PKN3: variants seen among roughly 807,000 people sequenced by gnomAD.
PKN3 encodes the protein protein kinase N3.
A neutral mutation model predicts 113.1 loss-of-function variants in PKN3; 91 were observed. That is an observed-to-expected ratio of 0.80 (90% CI 0.68 to 0.96). PKN3 has a LOEUF of 0.96. Among genes scored for constraint, PKN3 ranks in the 40% least tolerant of loss-of-function variants. The pLI is 0.00. For synonymous variants in PKN3, 467 were observed against 499.0 expected (o/e 0.94, Z 0.85); for missense variants, 1,052 against 1,202.2 (o/e 0.88, Z 1.85).
rs1564374103 is a variant in PKN3 at position 128,713,137 on chromosome 9, C to A, written c.921C>A (p.Ser307Arg). 1.2e-6 allele frequency: 2 copies of A among 1,611,782 alleles called. No homozygotes were observed. Among genetic ancestry groups the A allele is most frequent in the Admixed American group, 1.7e-5 (1 of 59,864 alleles). ...CCCCAGCGGCCGCACTGGCCAGCAG[C>A]CCCTCCGAGGGCTGGCTTCGGACCA... is the stretch of plus-strand genomic sequence containing the variant. The part of the protein sequence containing the change: ...GRSPAAALAS[S>R]PSEGWLRTKA... Residue 307 changes from serine to arginine, a missense_variant, in exon 7 of 22, where the codon AGC (serine) becomes AGA (arginine). Ser to Arg is a moderately radical substitution (Grantham distance 110). Around this residue, in one of 2 missense-constraint regions of PKN3, gnomAD observed 719 missense variants for 759.4 expected, o/e 0.95. Transcript: ENST00000291906.
In PKN3 at chr9:128,705,475, A is replaced by G; in HGVS notation, c.197A>G (p.Gln66Arg). ...CGGTCCTCCAACCGCCGCCTGGAGC[A>G]GCTGCATGGCGAGCTGCGGGAGCTG... ...LLRSSNRRLEQLHGELRELHA... is the reference protein window; with the variant it reads ...LLRSSNRRLERLHGELRELHA... The change falls in exon 2 of 22, where the codon CAG (glutamine) becomes CGG (arginine). Residue 66 changes from glutamine (Q) to arginine (R), a missense_variant. Gln to Arg is a conservative substitution (Grantham distance 43). Transcript: ENST00000291906. 1 of 1,567,322 alleles carries G rather than the reference A, an allele frequency of 6.4e-7. No individual in the cohort carries two copies. Among genetic ancestry groups the G allele is most frequent in the Non-Finnish European group, 8.6e-7 (1 of 1,157,036 alleles).
rs1171030651 is a variant in PKN3 at position 128,715,073 on chromosome 9, G to A, written c.1653-99G>A. The A allele has an allele frequency of 1.3e-5, 17 of 1,322,876 alleles. No homozygotes were observed. Among genetic ancestry groups the A allele is most frequent in the Middle Eastern group, 2.2e-4 (1 of 4,514 alleles). 81.9% of individuals were successfully genotyped at this position (1,322,876 alleles called of 1,614,324 possible). A position where few individuals can be genotyped will look rare whatever the true frequency, so the allele number is the denominator to read the frequency against. ...CAGGGCTTTTTCGAGCCCATAGGTC[G>A]GGACAGCCCAGGACTGGGCATGGGA... On this transcript the variant is annotated intron_variant, in intron 13 of 21. Coordinates refer to ENST00000291906, the MANE Select transcript of PKN3 (RefSeq NM_013355.5). This position sits in a 1 kb window ranked among gnomAD's most constrained non-coding sequence, Gnocchi z 4.1.
chr9:128,703,729 G>A, intron 1 of PKN3: 1 of 985,438 alleles, frequency 1.0e-6, no homozygotes, highest in Non-Finnish European at 1.2e-6. Context: ...GGTGTTGCGG[G>A]GTGCGTGTAG....
In PKN3 at chr9:128,716,738, C is replaced by T. The variant is rs1862349754; in HGVS notation, c.1809-9C>T. The T allele has an allele frequency of 6.2e-7, 1 of 1,612,560 alleles. No homozygotes were observed. The highest frequency in any genetic ancestry group is 8.5e-7 in the Non-Finnish European group (1 of 1,178,978). The stretch of plus-strand genomic sequence containing the variant: ...TCCTTCCCTCTAATACTCTTGCTCT[C>T]TCCTGTAGCCTGTACTGCGAGAAGC... On this transcript the variant is annotated splice_polypyrimidine_tract_variant and intron_variant, in intron 15 of 21. Coordinates refer to ENST00000291906, the MANE Select transcript of PKN3 (RefSeq NM_013355.5).
In PKN3 at chr9:128,720,215, T is replaced by G; in HGVS notation, c.2389T>G (p.Cys797Gly). ...LEFIQKLLQKCPEKRLGAGEQ... is the reference protein window; with the variant it reads ...LEFIQKLLQKGPEKRLGAGEQ... The stretch of plus-strand genomic sequence containing the variant: ...TCCTATTGCCCAGCTCCTCCAGAAG[T>G]GCCCGGAGAAGCGCCTCGGGGCAGG... Residue 797 changes from cysteine (C) to glycine (G), a missense_variant, in exon 21 of 22, where the codon TGC becomes GGC. Coordinates refer to ENST00000291906, the MANE Select transcript of PKN3 (RefSeq NM_013355.5). This position sits in a 1 kb window ranked among gnomAD's most constrained non-coding sequence, Gnocchi z 5.5. 6.2e-7 allele frequency: 1 copy of G among 1,613,658 alleles called. No homozygotes were observed. Among genetic ancestry groups the G allele is most frequent in the Non-Finnish European group, 8.5e-7 (1 of 1,179,918 alleles).
At chr9:128,705,579 G>A (rs1861989448) in intron 2 of PKN3, 36 bp downstream of exon 2, 1 of 1,548,950 alleles carries the variant, frequency 6.5e-7, no homozygotes, top group Admixed American at 2.0e-5. Flanking sequence ...AGGACAGAAG[G>A]CTCTAGGCCC....
chr9:128,705,399 C>A lies in PKN3; in HGVS notation c.121C>A (p.Arg41=). 1 of 1,596,774 alleles carries A rather than the reference C, an allele frequency of 6.3e-7. No homozygotes were observed. Among genetic ancestry groups the A allele is most frequent in the South Asian group, 1.1e-5 (1 of 88,986 alleles). ...GATCAAGGAGGGGGTGGAGAACCTG[C>A]GGCGCGTGGCCACAGACCGCCGCCA... is the stretch of plus-strand genomic sequence containing the variant. ...LKIKEGVENL[R]RVATDRRHLG... is the part of the protein sequence containing the mutation. Residue 41 remains arginine, a synonymous_variant, in exon 2 of 22, where the codon CGG becomes AGG. Coordinates refer to ENST00000291906, the MANE Select transcript of PKN3 (RefSeq NM_013355.5).
At position 128,713,594 on chromosome 9, in the gene PKN3, T is replaced by A. The variant is rs1411206759; in HGVS notation, c.1188T>A (p.Cys396Ter). Residue 396 changes from cysteine (C) to a stop codon, truncating the protein, a stop_gained, in exon 9 of 22, where the codon TGT becomes TGA. Coordinates refer to ENST00000291906, the MANE Select transcript of PKN3 (RefSeq NM_013355.5). LOFTEE classifies it high-confidence loss of function. The part of the protein sequence containing the change: ...LRLEDFLDNA[C>*]HQLSLSLVPQ... ...TTGAGGACTTCCTGGACAATGCCTG[T>A]CACCAACTGTCCCTCAGCCTGGTAC... 2 of 1,613,692 alleles carry A rather than the reference T, an allele frequency of 1.2e-6. No individual in the cohort carries two copies. The highest frequency in any genetic ancestry group is 1.7e-6 in the Non-Finnish European group (2 of 1,179,998).
At chr9:128,712,568 A>G (rs1208430634) in intron 6 of PKN3, among the ~76,000 whole-genome samples, 1 of 152,144 alleles carries the variant, frequency 6.6e-6, no homozygotes, top group Admixed American at 6.6e-5. Flanking sequence ...TATCCTTGCC[A>G]CAGTGCTCTC....
chr9:128,709,538 G>C (rs1001821792), intron 6 of PKN3, among the ~76,000 whole-genome samples: 5 of 151,730 alleles, frequency 3.3e-5, no homozygotes, highest in Non-Finnish European at 5.9e-5. Flanking sequence ...GATCACCTGA[G>C]GTCGGGAGTT....
chr9:128,704,186 TGA>T, intron 1 of PKN3: 8 of 975,538 alleles, frequency 8.2e-6, no homozygotes, highest in Non-Finnish European at 9.7e-6. Flanking sequence ...TTACCCGGCC[TGA>T]GGTCACCTTT....
chr9:128,713,448 G>A, intron 8 of PKN3, 51 bp from the exon 9 acceptor site: 1 of 1,613,058 alleles, frequency 6.2e-7, no homozygotes, highest in Non-Finnish European at 8.5e-7. Context: ...AGGCTGCCCA[G>A]GTCGGGGCTC....
chr9:128,706,633 G>C, intron 3 of PKN3, 80 bp from the exon 4 acceptor site: 1 of 1,061,068 alleles, frequency 9.4e-7, no homozygotes, highest in Non-Finnish European at 1.3e-6. Flanking sequence ...TGATGGGGGA[G>C]ACCCGGCTCC....
At chr9:128,714,166 T>G (rs1179031725) in intron 10 of PKN3, 31 bp from the exon 11 acceptor site, 1 of 1,613,458 alleles carries the variant, frequency 6.2e-7, no homozygotes, top group African/African-American at 1.3e-5. Context: ...AGGGCTGGGG[T>G]CCCGGGACTA....
chr9:128,711,335 CTT>C (rs1862169636), intron 6 of PKN3, among the ~76,000 whole-genome samples: 2 of 140,506 alleles, frequency 1.4e-5, no homozygotes, highest in South Asian at 4.5e-4. Context: ...GAGACAGAGT[CTT>C]GCTCTGTCGC....
intron 1 of PKN3, chr9:128,703,562 T>C: frequency 1.0e-6 from 1 of 985,360 alleles, no homozygotes; most frequent in Non-Finnish European, 1.2e-6. Context: ...AGGCCATGTC[T>C]ATCTGCTCCT....
intron 6 of PKN3, among the ~76,000 whole-genome samples, chr9:128,708,125 A>G (rs2132294445): frequency 6.7e-6 from 1 of 149,820 alleles, no homozygotes; most frequent in East Asian, 2.0e-4. Context: ...TCATGCCTGT[A>G]ATCCCAGCAC....
At chr9:128,714,529 G>A (rs375660700) in intron 11 of PKN3, 33 bp from the exon 12 acceptor site, 24 of 961,118 alleles carry the variant, frequency 2.5e-5, no homozygotes, top group Non-Finnish European at 3.8e-5. Context: ...GCGTCTGCCT[G>A]TGCTGGGCAC....
chr9:128,717,895 C>T (rs1383611872), intron 16 of PKN3, among the ~76,000 whole-genome samples: 5 of 144,566 alleles, frequency 3.5e-5, no homozygotes, highest in African/African-American at 1.0e-4. Context: ...ATTAGCTGGG[C>T]GTGGTGGCGC....
Sources: allele counts gnomAD v4.1 joint callset (sites outside exome capture counted in the v4.1 genomes callset), GRCh38; gene constraint gnomAD v4.1.1; regional missense constraint gnomAD v4.1.1; non-coding constraint Gnocchi (gnomAD v3.1); transcripts MANE v1.5; gene names NCBI Gene and HGNC (gene_info 2026-07-23, HGNC 2026-07-21).